The following KATNBL1 variants were observed in gnomAD, a reference collection of about 807,000 sequenced individuals.
KATNBL1 encodes KATNB1-like protein 1.
Under a neutral mutation model 44.7 loss-of-function variants are expected in KATNBL1, and 28 were observed. That is an observed-to-expected ratio of 0.63 (90% CI 0.46 to 0.86). The LOEUF (loss-of-function observed/expected upper bound fraction) is 0.86, where lower values mean the gene tolerates loss of function less well. Ranked by LOEUF, KATNBL1 falls within the 40% of genes least tolerant of loss-of-function variation. The pLI is 0.00. For missense variants in KATNBL1, 272 were observed against 350.7 expected (o/e 0.78, Z 1.79); for synonymous variants, 78 against 114.9 (o/e 0.68, Z 2.06).
intron 1 of KATNBL1, among the ~76,000 whole-genome samples, chr15:34,186,392 C>T (rs1432858562): frequency 2.0e-5 from 3 of 152,206 alleles, no homozygotes; most frequent in South Asian, 2.1e-4. Flanking sequence ...GGGCTACAGC[C>T]ACCCAAACTG....
chr15:34,183,898 G>C (rs74742843), intron 1 of KATNBL1, among the ~76,000 whole-genome samples: 1 of 152,098 alleles, frequency 6.6e-6, no homozygotes, highest in East Asian at 1.9e-4. Context: ...GGCTGGGTGC[G>C]GTGGCTCATG....
chr15:34,152,383 T>C (rs1001167740), intron 4 of KATNBL1, among the ~76,000 whole-genome samples: 3 of 152,084 alleles, frequency 2.0e-5, no homozygotes, highest in African/African-American at 7.2e-5. Context: ...TTTGTATTTT[T>C]AGTAGAGGCA....
In KATNBL1 at chr15:34,194,332, G is replaced by A. The variant is rs1341909079; in HGVS notation, c.-15+15619C>T. Among the ~76,000 whole-genome samples, 3 of 152,094 alleles carry A rather than the reference G, an allele frequency of 2.0e-5. No homozygotes were observed. In the East Asian group the frequency reaches 5.8e-4, roughly 29 times the overall value. On this transcript the variant is annotated intron_variant, in intron 1 of 9. Coordinates refer to ENST00000256544, the MANE Select transcript of KATNBL1 (RefSeq NM_024713.3). ...TTTTTGAAAATATGATTTAGGGCCAGGTGCAGTGGGTCATACCTGTAATTC... is the reference window on the plus strand; with the variant it reads ...TTTTTGAAAATATGATTTAGGGCCAAGTGCAGTGGGTCATACCTGTAATTC...
At chr15:34,162,058 T>A (rs1011918011) in intron 2 of KATNBL1, among the ~76,000 whole-genome samples, 4 of 152,220 alleles carry the variant, frequency 2.6e-5, no homozygotes, top group African/African-American at 9.6e-5. Context: ...ACAGATAAGT[T>A]TTTCAGATTA....
In KATNBL1 at chr15:34,147,265, G is replaced by A. The variant is rs779156933; in HGVS notation, c.633C>T (p.Ile211=). 3.1e-6 allele frequency: 5 copies of A among 1,612,762 alleles called. No individual in the cohort carries two copies. The highest frequency in any genetic ancestry group is 3.4e-6 in the Non-Finnish European group (4 of 1,179,200). The part of the protein sequence containing the change: ...TNCLQEEKQY[I]SLGCCVDLLP... ...ACAAGTCAACACAGCAGCCAAGTGAGATATATTGTTTTTCTTCCTGTAAAC... is the reference window on the plus strand; with the variant it reads ...ACAAGTCAACACAGCAGCCAAGTGAAATATATTGTTTTTCTTCCTGTAAAC... Residue 211 remains isoleucine (I), a synonymous_variant, in exon 7 of 10, where the codon ATC becomes ATT. Transcript: ENST00000256544.
chr15:34,155,682 C>T (rs914554615), intron 2 of KATNBL1, among the ~76,000 whole-genome samples: 6 of 152,198 alleles, frequency 3.9e-5, no homozygotes, highest in Admixed American at 3.3e-4. Flanking sequence ...CTGCTAAAAT[C>T]ATGTCTAAGG....
chr15:34,165,822 TAAATA>T (rs991571744), intron 1 of KATNBL1: 1 of 151,714 alleles, frequency 6.6e-6, no homozygotes, highest in African/African-American at 2.4e-5. Context: ...AATAAATAAA[TAAATA>T]AAAGTGGTAA....
At chr15:34,163,422 T>C in intron 2 of KATNBL1, 138 bp downstream of exon 2, 1 of 973,722 alleles carries the variant, frequency 1.0e-6, no homozygotes, top group Non-Finnish European at 1.5e-6. Context: ...ACATTGGTTA[T>C]ATTTCACCAA....
At chr15:34,205,038 G>A (rs927560447) in intron 1 of KATNBL1, among the ~76,000 whole-genome samples, 10 of 150,276 alleles carry the variant, frequency 6.7e-5, no homozygotes, top group Non-Finnish European at 1.0e-4. Context: ...TCTGTTGCCA[G>A]GCCGGAGTGC....
In KATNBL1 at chr15:34,184,576, C is replaced by CTTTTTTTTTTTTT. The variant is rs71119942; in HGVS notation, c.-14-20899_-14-20887dup. Among the ~76,000 whole-genome samples, 42 of 95,254 alleles carry CTTTTTTTTTTTTT rather than the reference C, an allele frequency of 4.4e-4. 1 individual carries two copies. Among genetic ancestry groups the CTTTTTTTTTTTTT allele is most frequent in the South Asian group, 7.3e-4 (2 of 2,746 alleles). The allele number at this position is 95,254 out of a possible 152,430, so 62.5% of individuals were successfully genotyped here. ...ATACTTCCTGTCTCTCCTAATGTTT[C>CTTTTTTTTTTTTT]TTTTTTTTTTTTTTGAGACAGAGTC... On this transcript the variant is annotated intron_variant, in intron 1 of 9. Transcript: ENST00000256544.
At chr15:34,199,372 G>A (rs1240805450) in intron 1 of KATNBL1, among the ~76,000 whole-genome samples, 2 of 152,210 alleles carry the variant, frequency 1.3e-5, no homozygotes, top group East Asian at 3.8e-4. Flanking sequence ...GGGAGGTGGA[G>A]GTTGCAATGA....
At chr15:34,189,526 G>A (rs868372377) in intron 1 of KATNBL1, among the ~76,000 whole-genome samples, 74 of 152,172 alleles carry the variant, frequency 4.9e-4, no homozygotes, top group African/African-American at 1.7e-3. Context: ...CTTTCGGAAA[G>A]TTTGTCAAAT....
intron 2 of KATNBL1, among the ~76,000 whole-genome samples, chr15:34,155,237 C>T (rs1304803582): frequency 6.6e-6 from 1 of 152,160 alleles, no homozygotes; most frequent in Non-Finnish European, 1.5e-5. Context: ...CAATATCCCC[C>T]TTTTGAATTT....
At chr15:34,166,864 G>C (rs1295336514) in intron 1 of KATNBL1, among the ~76,000 whole-genome samples, 1 of 152,194 alleles carries the variant, frequency 6.6e-6, no homozygotes, top group Non-Finnish European at 1.5e-5. Flanking sequence ...CTGTCTATTA[G>C]AAGGAAAACT....
chr15:34,153,126 GT>G, intron 3 of KATNBL1, 57 bp from the exon 4 acceptor site: 1 of 1,282,048 alleles, frequency 7.8e-7, no homozygotes, highest in Non-Finnish European at 1.1e-6. Flanking sequence ...TCCTTTAAAA[GT>G]TTTTAAACAG....
At chr15:34,181,606 C>CCATATATATACA (rs1555529371) in intron 1 of KATNBL1, among the ~76,000 whole-genome samples, 1 of 24,476 alleles carries the variant, frequency 4.1e-5, no homozygotes, top group African/African-American at 7.2e-5. Flanking sequence ...ATATATATGT[C>CCATATATATACA]CATATATATA....
chr15:34,204,133 C>T (rs962287983), intron 1 of KATNBL1, among the ~76,000 whole-genome samples: 10 of 151,900 alleles, frequency 6.6e-5, no homozygotes, highest in African/African-American at 2.4e-4. Flanking sequence ...CCCCTGTCCA[C>T]ATTGCTAAGC....
chr15:34,152,944 C>T lies in KATNBL1; in HGVS notation c.284G>A (p.Cys95Tyr). 1 of 1,614,168 alleles carries T rather than the reference C, an allele frequency of 6.2e-7. No homozygotes were observed. The highest frequency in any genetic ancestry group is 8.5e-7 in the Non-Finnish European group (1 of 1,180,010). The change falls in exon 4 of 10, where the codon TGT (cysteine) becomes TAT (tyrosine). Residue 95 changes from cysteine to tyrosine, a missense_variant. Physicochemically the swap from Cys to Tyr is radical, Grantham distance 194 (BLOSUM62 -2). This residue lies in a region of KATNBL1 where 122 missense variants were observed against 125.0 expected (regional missense o/e 0.98). Coordinates refer to ENST00000256544, the MANE Select transcript of KATNBL1 (RefSeq NM_024713.3). Reference sequence around the variant, plus strand: ...TTCATTTTCTTTATTTGCCATGTCACAGCCCCCACTTCCAGGGGACTGTTT... The same window carrying T: ...TTCATTTTCTTTATTTGCCATGTCATAGCCCCCACTTCCAGGGGACTGTTT... ...RKKQSPGSGGCDMANKENELA... is the reference protein window; with the variant it reads ...RKKQSPGSGGYDMANKENELA...
chr15:34,209,380 A>C (rs1411996843), intron 1 of KATNBL1: 2 of 152,212 alleles, frequency 1.3e-5, no homozygotes, highest in Non-Finnish European at 2.9e-5. Flanking sequence ...TCCATATTTA[A>C]GCAATATAAG....
Sources: allele counts gnomAD v4.1 joint callset (sites outside exome capture counted in the v4.1 genomes callset), GRCh38; gene constraint gnomAD v4.1.1; regional missense constraint gnomAD v4.1.1; transcripts MANE v1.5; gene names NCBI Gene and HGNC (gene_info 2026-07-23, HGNC 2026-07-21).